Variants in NOL4 observed in about 807,000 individuals in gnomAD.
NOL4 encodes the protein cancer/testis antigen 125.
In NOL4, 17 loss-of-function variants were observed where a neutral mutation model predicts 75.9. That is an observed-to-expected ratio of 0.22 (90% confidence interval 0.15 to 0.34). The LOEUF (loss-of-function observed/expected upper bound fraction) is 0.34. NOL4 is among the 10% of genes least tolerant of loss of function. NOL4 has a pLI of 1.00. For missense variants in NOL4, 614 were observed against 793.5 expected (o/e 0.77, Z 2.72); for synonymous variants, 292 against 289.9 (o/e 1.01, Z -0.07).
chr18:33,972,475 ATGT>A (rs1380932946), intron 6 of NOL4, among the ~76,000 whole-genome samples: 4 of 152,154 alleles, frequency 2.6e-5, no homozygotes, highest in African/African-American at 9.7e-5. Context: ...AGTGTTGAGG[ATGT>A]TGTGGAAAAG....
intron 5 of NOL4, among the ~76,000 whole-genome samples, chr18:34,020,295 A>G (rs957237168): frequency 6.6e-6 from 1 of 152,182 alleles, no homozygotes; most frequent in African/African-American, 2.4e-5. Context: ...AAAAAAAACA[A>G]AGAGAATTAA....
At chr18:33,856,072 C>T (rs930310324) in intron 10 of NOL4, among the ~76,000 whole-genome samples, 10 of 152,094 alleles carry the variant, frequency 6.6e-5, no homozygotes, top group South Asian at 2.1e-4. Context: ...GGCCCATAAA[C>T]GCAGGCACGC....
intron 6 of NOL4, among the ~76,000 whole-genome samples, chr18:33,971,029 T>C (rs2071013620): frequency 6.6e-6 from 1 of 152,194 alleles, no homozygotes; most frequent in African/African-American, 2.4e-5. Flanking sequence ...ACAGACCTTT[T>C]CATTTTGACT....
intron 10 of NOL4, among the ~76,000 whole-genome samples, chr18:33,870,186 T>C (rs1213522984): frequency 2.6e-5 from 4 of 152,052 alleles, no homozygotes; most frequent in African/African-American, 9.7e-5. Context: ...ACATTTTACT[T>C]CTACTCACTT....
At chr18:33,875,437 A>T (rs1198930747) in intron 10 of NOL4, among the ~76,000 whole-genome samples, 1 of 152,076 alleles carries the variant, frequency 6.6e-6, no homozygotes, top group African/African-American at 2.4e-5. Context: ...AGGTTGGCTA[A>T]TGATGGATTT....
intron 6 of NOL4, among the ~76,000 whole-genome samples, chr18:33,986,394 TG>T (rs996681991): frequency 5.3e-5 from 8 of 152,100 alleles, no homozygotes; most frequent in Non-Finnish European, 1.0e-4. Flanking sequence ...AATATGCCCT[TG>T]AACTTTTTAT....
intron 6 of NOL4, among the ~76,000 whole-genome samples, chr18:34,002,832 T>C (rs201408574): frequency 2.6e-5 from 4 of 152,146 alleles, no homozygotes. Context: ...CTCAGAATCA[T>C]TGTGGATTCA....
intron 9 of NOL4, among the ~76,000 whole-genome samples, chr18:33,923,430 T>G (rs959614089): frequency 6.6e-6 from 1 of 151,986 alleles, no homozygotes; most frequent in African/African-American, 2.4e-5. Context: ...ATCTGAGTGT[T>G]TAGATATTAT....
At chr18:33,969,856 A>T (rs529534963) in intron 6 of NOL4, among the ~76,000 whole-genome samples, 1 of 152,158 alleles carries the variant, frequency 6.6e-6, no homozygotes, top group South Asian at 2.1e-4. Context: ...TGCCAATGAA[A>T]ATCTCTTCCG....
At chr18:34,024,545 T>C (rs1794897161) in intron 5 of NOL4, among the ~76,000 whole-genome samples, 1 of 152,016 alleles carries the variant, frequency 6.6e-6, no homozygotes, top group Non-Finnish European at 1.5e-5. Flanking sequence ...GCTCTGTCTT[T>C]TCCCAGGCTC....
chr18:34,019,622 T>C, intron 5 of NOL4, 21 bp from the exon 6 acceptor site: 2 of 1,599,156 alleles, frequency 1.3e-6, no homozygotes, highest in South Asian at 1.1e-5. Context: ...GGAAAAGTTA[T>C]ATTTTGATTT....
At chr18:34,111,346 C>T (rs536377700) in intron 2 of NOL4, among the ~76,000 whole-genome samples, 14 of 152,070 alleles carry the variant, frequency 9.2e-5, no homozygotes, top group South Asian at 4.2e-4. Context: ...TTTGAATGTC[C>T]GTGTCTTCTT....
chr18:34,091,727 G>A (rs1398052451), intron 5 of NOL4, among the ~76,000 whole-genome samples: 1 of 152,122 alleles, frequency 6.6e-6, no homozygotes, highest in Admixed American at 6.5e-5. Context: ...GTAGAGTGGG[G>A]AAAACCTCTG....
At chr18:34,083,943 G>C (rs1022386182) in intron 5 of NOL4, among the ~76,000 whole-genome samples, 1 of 152,146 alleles carries the variant, frequency 6.6e-6, no homozygotes, top group African/African-American at 2.4e-5. Context: ...CGGTTTGTTG[G>C]GGGTTCACTC....
intron 9 of NOL4, among the ~76,000 whole-genome samples, chr18:33,928,562 T>A (rs538695920): frequency 1.8e-4 from 28 of 152,258 alleles, no homozygotes; most frequent in Non-Finnish European, 8.8e-5. Context: ...CATCTACATG[T>A]CTCACAGTAC....
At chr18:33,929,095 C>T (rs2067520045) in intron 9 of NOL4, among the ~76,000 whole-genome samples, 1 of 152,166 alleles carries the variant, frequency 6.6e-6, no homozygotes, top group African/African-American at 2.4e-5. Context: ...CTGTTTGCTT[C>T]TGAAACTTCC....
At position 33,958,398 on chromosome 18, in the gene NOL4, G is replaced by A. The variant is rs1311151531; in HGVS notation, c.1077C>T (p.Ser359=). 6.2e-7 allele frequency: 1 copy of A among 1,612,670 alleles called. No homozygotes were observed. Among genetic ancestry groups the A allele is most frequent in the Non-Finnish European group, 8.5e-7 (1 of 1,179,268 alleles). ...NGSKSPAHSY[S]SYDSGKNESV... The stretch of plus-strand genomic sequence containing the variant: ...TCTCATTTTTGCCAGAGTCATAGCT[G>A]GAGTAACTATGTGCAGGAGACTGAA... Residue 359 remains serine, a synonymous_variant, in exon 7 of 11, where the codon TCC becomes TCT. Coordinates refer to ENST00000261592, the MANE Select transcript of NOL4 (RefSeq NM_003787.5).
At chr18:34,217,809 G>A (rs2037016340) in intron 1 of NOL4, among the ~76,000 whole-genome samples, 1 of 151,758 alleles carries the variant, frequency 6.6e-6, no homozygotes, top group Non-Finnish European at 1.5e-5. Flanking sequence ...GTATATGTTA[G>A]TATATATTAT....
chr18:33,998,124 T>C (rs2073425520), intron 6 of NOL4, among the ~76,000 whole-genome samples: 2 of 151,966 alleles, frequency 1.3e-5, no homozygotes, highest in African/African-American at 2.4e-5. Flanking sequence ...ATGAGTAAGA[T>C]GGGAAGAAAG....
Sources: gnomAD v4.1 joint callset for allele counts (sites outside exome capture counted in the v4.1 genomes callset) on GRCh38, gnomAD v4.1.1 for gene constraint, MANE v1.5 for transcripts, NCBI Gene and HGNC (gene_info 2026-07-23, HGNC 2026-07-21) for gene names.